Variants in NBEA observed in about 807,000 individuals in gnomAD.
The protein encoded by NBEA is lysosomal-trafficking regulator 2.
Under a neutral mutation model 343.4 loss-of-function variants are expected in NBEA, and 44 were observed. The ratio of observed to expected loss-of-function variants is 0.13; its 90% CI spans 0.10 to 0.16. The LOEUF (loss-of-function observed/expected upper bound fraction) is 0.16. Ranked by LOEUF, NBEA falls within the 10% of genes least tolerant of loss-of-function variation. NBEA has a pLI of 1.00. For missense variants in NBEA, 2,555 were observed against 3,631.3 expected (o/e 0.70, Z 7.62); for synonymous variants, 1,175 against 1,238.7 (o/e 0.95, Z 1.08).
At chr13:35,503,352 T>C (rs1388823026) in intron 41 of NBEA, among the ~76,000 whole-genome samples, 1 of 151,932 alleles carries the variant, frequency 6.6e-6, no homozygotes, top group Non-Finnish European at 1.5e-5. Flanking sequence ...TATAGGTAGA[T>C]ATATAATTTT....
At chr13:35,451,736 A>G (rs1467884678) in intron 39 of NBEA, among the ~76,000 whole-genome samples, 1 of 152,236 alleles carries the variant, frequency 6.6e-6, no homozygotes, top group Non-Finnish European at 1.5e-5. Context: ...GGTGAAGTAC[A>G]GACTTTTTGT....
At chr13:35,241,122 A>T (rs1566505811) in intron 34 of NBEA, among the ~76,000 whole-genome samples, 1 of 151,886 alleles carries the variant, frequency 6.6e-6, no homozygotes, top group Non-Finnish European at 1.5e-5. Context: ...TTTTCATGGA[A>T]TTTAATAAGC....
intron 1 of NBEA, among the ~76,000 whole-genome samples, chr13:34,958,986 C>G (rs2059579522): frequency 6.6e-6 from 1 of 152,036 alleles, no homozygotes; most frequent in Non-Finnish European, 1.5e-5. Flanking sequence ...CTCACCACCT[C>G]CTAAAGGAAT....
chr13:35,469,099 CAAAA>C (rs34222156), intron 40 of NBEA, among the ~76,000 whole-genome samples: 88 of 85,026 alleles, frequency 1.0e-3, no homozygotes, highest in African/African-American at 4.2e-3. Flanking sequence ...GACTCTATCT[CAAAA>C]AAAAAAAAAA....
intron 8 of NBEA, among the ~76,000 whole-genome samples, chr13:35,060,731 T>C (rs902214832): frequency 4.0e-5 from 6 of 151,494 alleles, no homozygotes; most frequent in Admixed American, 2.0e-4. Context: ...TTTCAGAAAT[T>C]CAGAGAATAT....
Position 35,550,954 on chromosome 13 carries a change from A to G in NBEA, c.6728A>G (p.Asp2243Gly). 1 of 1,609,752 alleles carries G rather than the reference A, an allele frequency of 6.2e-7. No homozygotes were observed. Among genetic ancestry groups the G allele is most frequent in the African/African-American group, 1.3e-5 (1 of 74,900 alleles). ...NRTSVMFNFP[D>G]QATVKKVVYS... ...GCCTCAGTTATGTTTAATTTCCCTG[A>G]TCAAGCAACAGTAAAAAAAGTTGTC... The change falls in exon 43 of 59, where the codon GAT becomes GGT. Residue 2243 changes from aspartate (D) to glycine (G), a missense_variant. Transcript: ENST00000379939.
intron 55 of NBEA, among the ~76,000 whole-genome samples, chr13:35,660,195 A>G (rs2085017348): frequency 6.6e-6 from 1 of 152,210 alleles, no homozygotes; most frequent in South Asian, 2.1e-4. Context: ...GTCACAATAG[A>G]GGCAAGTTAA....
At chr13:34,950,352 A>T (rs1004053069) in intron 1 of NBEA, among the ~76,000 whole-genome samples, 2 of 152,292 alleles carry the variant, frequency 1.3e-5, no homozygotes, top group African/African-American at 4.8e-5. Flanking sequence ...AGGCACCTAA[A>T]ACCAAGCCAT....
chr13:35,128,792 A>G (rs2067262352), intron 17 of NBEA, among the ~76,000 whole-genome samples: 1 of 152,158 alleles, frequency 6.6e-6, no homozygotes, highest in Non-Finnish European at 1.5e-5. Flanking sequence ...GCTGTTGTGG[A>G]ACATCTGAAT....
intron 45 of NBEA, among the ~76,000 whole-genome samples, chr13:35,578,115 T>C (rs967382535): frequency 6.6e-6 from 1 of 152,232 alleles, no homozygotes; most frequent in East Asian, 1.9e-4. Flanking sequence ...AGTATTGAGA[T>C]AACTAAAAGC....
intron 38 of NBEA, among the ~76,000 whole-genome samples, chr13:35,359,048 A>G (rs2040660729): frequency 6.6e-6 from 1 of 152,180 alleles, no homozygotes; most frequent in Non-Finnish European, 1.5e-5. Flanking sequence ...GAGCCAGATG[A>G]TTTAAAGTCC....
chr13:35,504,139 T>G (rs1485585221), intron 41 of NBEA, among the ~76,000 whole-genome samples: 1 of 152,220 alleles, frequency 6.6e-6, no homozygotes, highest in African/African-American at 2.4e-5. Context: ...GAGTGAATAT[T>G]TGTTTTAGAG....
At chr13:35,287,618 C>T (rs2035515851) in intron 34 of NBEA, among the ~76,000 whole-genome samples, 3 of 151,802 alleles carry the variant, frequency 2.0e-5, no homozygotes, top group African/African-American at 7.3e-5. Flanking sequence ...GCTTTTTGTC[C>T]CCTTGTCTGA....
chr13:34,965,444 A>G (rs1349605007), intron 1 of NBEA, among the ~76,000 whole-genome samples: 2 of 152,004 alleles, frequency 1.3e-5, no homozygotes, highest in African/African-American at 2.4e-5. Context: ...TGGGAAAGAC[A>G]TTAAGGTGGA....
intron 38 of NBEA, among the ~76,000 whole-genome samples, chr13:35,359,577 G>A (rs1416197): frequency 0.27 from 40,606 of 151,828 alleles, 6,554 homozygotes; most frequent in African/African-American, 0.46. Context: ...GGTGGGGTCG[G>A]TTCTAACATA....
At chr13:35,401,872 GC>G (rs1566079217) in intron 38 of NBEA, among the ~76,000 whole-genome samples, 1 of 151,930 alleles carries the variant, frequency 6.6e-6, no homozygotes, top group Admixed American at 6.6e-5. Flanking sequence ...CATGATATAT[GC>G]CATTGTTTTA....
At chr13:35,248,021 GT>G (rs1277115035) in intron 34 of NBEA, among the ~76,000 whole-genome samples, 1 of 152,146 alleles carries the variant, frequency 6.6e-6, no homozygotes, top group Non-Finnish European at 1.5e-5. Flanking sequence ...GAGGAAGTGA[GT>G]AAGTTCCTGG....
intron 13 of NBEA, among the ~76,000 whole-genome samples, chr13:35,115,570 G>A (rs778514832): frequency 2.0e-5 from 3 of 151,786 alleles, no homozygotes; most frequent in Non-Finnish European, 4.4e-5. Context: ...TTATTGTTTA[G>A]CTTCTATAGT....
At chr13:35,400,370 G>T (rs902682559) in intron 38 of NBEA, among the ~76,000 whole-genome samples, 3 of 151,814 alleles carry the variant, frequency 2.0e-5, no homozygotes, top group Non-Finnish European at 4.4e-5. Flanking sequence ...TAGAACTATT[G>T]TAAGAATTAT....
Sources: allele counts gnomAD v4.1 joint callset (sites outside exome capture counted in the v4.1 genomes callset), GRCh38; gene constraint gnomAD v4.1.1; transcripts MANE v1.5; gene names NCBI Gene and HGNC (gene_info 2026-07-23, HGNC 2026-07-21).